Variants in ANKRD26 observed in about 807,000 individuals in gnomAD.
ANKRD26 encodes the protein ankyrin repeat domain 26, also known as ankyrin repeat domain-containing protein 26.
Under a neutral mutation model 208.7 loss-of-function variants are expected in ANKRD26, and 141 were observed. The ratio of observed to expected loss-of-function variants is 0.68; its 90% CI spans 0.59 to 0.78. The LOEUF (loss-of-function observed/expected upper bound fraction) is 0.78. Among genes scored for constraint, ANKRD26 ranks in the 30% least tolerant of loss-of-function variants. The probability of loss-of-function intolerance (pLI) is 0.00; values close to 1 mark genes in which losing one functional copy is unlikely to be tolerated. For synonymous variants in ANKRD26, 636 were observed against 660.4 expected, an observed-to-expected ratio of 0.96 and a Z score of 0.57; for missense variants, 1,889 against 1,938.7, an observed-to-expected ratio of 0.97 and a Z score of 0.48.
At chr10:26,995,436 CATG>C (rs905761010) in intron 4 of ANKRD26, among the ~76,000 whole-genome samples, 39 of 152,082 alleles carry the variant, frequency 2.6e-4, no homozygotes, top group African/African-American at 9.2e-4. Context: ...CTCTGATGGT[CATG>C]ATGTTACTGG....
At position 27,062,428 on chromosome 10, in the gene ANKRD26, TG is replaced by T. The variant is rs370832646; in HGVS notation, c.1364-1187del. ...AAGGACCAGAAGCATCAGCATTATG[TG>T]GGAACTTACTAGAAATGCAGAACCC... On this transcript the variant is annotated intron_variant, in intron 12 of 33. Transcript: ENST00000376087. Among the ~76,000 whole-genome samples the T allele has an allele frequency of 4.9e-3, 745 of 152,362 alleles. 9 individuals carry two copies. Among genetic ancestry groups the T allele is most frequent in the African/African-American group, 0.017 (708 of 41,594 alleles).
At chr10:26,980,941 T>C (rs1270239562) in intron 4 of ANKRD26, among the ~76,000 whole-genome samples, 1 of 152,122 alleles carries the variant, frequency 6.6e-6, no homozygotes, top group Non-Finnish European at 1.5e-5. Flanking sequence ...TCTAAGTTGT[T>C]TGTTGGCCTC....
At chr10:27,034,000 G>A (rs187533457) in intron 24 of ANKRD26, among the ~76,000 whole-genome samples, 1 of 152,106 alleles carries the variant, frequency 6.6e-6, no homozygotes, top group Non-Finnish European at 1.5e-5. Context: ...ATCACAAATC[G>A]CTACACTTAC....
At chr10:27,051,492 A>T in intron 16 of ANKRD26, 1 of 1,058,282 alleles carries the variant, frequency 9.4e-7, no homozygotes, top group South Asian at 2.9e-5. Context: ...TTCTTTCATT[A>T]CACCTGTAAC....
rs1217716400 is a variant in ANKRD26 at position 27,078,254 on chromosome 10, A to C, written c.814-561T>G. On this transcript the variant is annotated intron_variant, in intron 7 of 33. Transcript: ENST00000376087. ...GCTCCTTACAAGAAACAGAGAAAAA[A>C]ACAAAAATAATCCTTGTGGGGCAAT... 2.0e-5 allele frequency among the ~76,000 whole-genome samples: 3 copies of C among 152,302 alleles called. No individual in the cohort carries two copies. The South Asian group carries it at 6.2e-4, about 32-fold the overall frequency.
intron 1 of ANKRD26, among the ~76,000 whole-genome samples, chr10:27,099,571 G>GGC (rs1554799484): frequency 7.1e-6 from 1 of 139,870 alleles, no homozygotes; most frequent in Non-Finnish European, 1.6e-5. Flanking sequence ...TTGGGGGGGG[G>GGC]GGTCTCGCTA....
At chr10:27,099,622 C>T (rs1289592765) in intron 1 of ANKRD26, among the ~76,000 whole-genome samples, 1 of 151,238 alleles carries the variant, frequency 6.6e-6, no homozygotes, top group Non-Finnish European at 1.5e-5. Context: ...CTCAAGCAAT[C>T]CTCCCGCCTC....
intron 5 of ANKRD26, among the ~76,000 whole-genome samples, chr10:27,084,069 C>T (rs1472655970): frequency 4.6e-5 from 7 of 151,828 alleles, no homozygotes; most frequent in Non-Finnish European, 7.4e-5. Flanking sequence ...AAAAAGTAGC[C>T]AGGCATGGTA....
rs903414502 is a variant in ANKRD26 at position 27,100,032 on chromosome 10, T to C, written c.242+53A>G. 3 of 1,609,922 alleles carry C rather than the reference T, an allele frequency of 1.9e-6. No homozygotes were observed. In the Admixed American group the frequency reaches 5.0e-5, roughly 27 times the overall value. On this transcript the variant is annotated intron_variant, in intron 1 of 33. Coordinates refer to ENST00000376087, the MANE Select transcript of ANKRD26 (RefSeq NM_014915.3). ...GTGGCTCCCACAAAAGGGGCCCCTC[T>C]TCCTGCCCGCCTACTCCAGTGGCAC...
chr10:27,012,236 A>T (rs1212182201), intron 32 of ANKRD26, among the ~76,000 whole-genome samples: 1 of 152,178 alleles, frequency 6.6e-6, no homozygotes, highest in Non-Finnish European at 1.5e-5. Context: ...GGAAAGCCAA[A>T]GTATCTCAAC....
At chr10:27,017,857 A>G in intron 29 of ANKRD26, 65 bp from the exon 30 acceptor site, 1 of 1,454,756 alleles carries the variant, frequency 6.9e-7, no homozygotes, top group Non-Finnish European at 9.4e-7. Context: ...CTAACATAAA[A>G]CCAAGAACAA....
chr10:26,951,019 C>CTTTTTTTTTTTTTTTTTTTTTGTTTTTTT, the ANKRD26 span, among the ~76,000 whole-genome samples: 1 of 48,580 alleles, frequency 2.1e-5, no homozygotes, highest in Non-Finnish European at 5.5e-5. Flanking sequence ...TTTTCTTTTT[C>CTTTTTTTTTTTTTTTTTTTTTGTTTTTTT]TTTTTTTTTT....
intron 27 of ANKRD26, among the ~76,000 whole-genome samples, chr10:27,026,626 C>T (rs2053667187): frequency 6.6e-6 from 1 of 152,136 alleles, no homozygotes. Flanking sequence ...ACAATGCAAC[C>T]TTCTGATCTT....
chr10:27,038,068 T>C lies in ANKRD26; in HGVS notation c.2376-14A>G, dbSNP rs768200494. 2 of 1,600,810 alleles carry C rather than the reference T, an allele frequency of 1.2e-6. No homozygotes were observed. Among genetic ancestry groups the C allele is most frequent in the Non-Finnish European group, 8.5e-7 (1 of 1,173,652 alleles). On this transcript the variant is annotated splice_polypyrimidine_tract_variant and intron_variant, in intron 21 of 33. Coordinates refer to ENST00000376087, the MANE Select transcript of ANKRD26 (RefSeq NM_014915.3). ...TTTAAGCTAAATCTGCAGTTAAATA[T>C]GTTTATCTTAAAATCTGTATTGTTA...
At position 27,082,694 on chromosome 10, in the gene ANKRD26, G is replaced by A. The variant is rs10829173; in HGVS notation, c.740+109C>T. On this transcript the variant is annotated intron_variant, in intron 6 of 33. Transcript: ENST00000376087. ...AGATACTTTGCAAAGCTGTTGGGAC[G>A]ACTATATGGAGAAGCACATAATATG... 0.61 allele frequency: 867,003 copies of A among 1,429,086 alleles called. 272,386 individuals carry two copies. The highest frequency in any genetic ancestry group is 0.65 in the Non-Finnish European group (698,922 of 1,074,890). The allele number at this position is 1,429,086 out of a possible 1,614,324, so 88.5% of individuals were successfully genotyped here.
chr10:27,015,043 T>G (rs2053243719), intron 30 of ANKRD26, among the ~76,000 whole-genome samples: 1 of 152,168 alleles, frequency 6.6e-6, no homozygotes, highest in African/African-American at 2.4e-5. Context: ...AAATTATAAT[T>G]GGTAACATAA....
chr10:26,997,071 T>A (rs11527776), intron 4 of ANKRD26, among the ~76,000 whole-genome samples: 129,895 of 150,280 alleles, frequency 0.86, 56,545 homozygotes, highest in East Asian at 1. Context: ...TAAAAAAAAA[T>A]ATACGGTCAT....
intron 4 of ANKRD26, among the ~76,000 whole-genome samples, chr10:26,998,994 T>C (rs2052659649): frequency 6.6e-6 from 1 of 152,220 alleles, no homozygotes; most frequent in African/African-American, 2.4e-5. Context: ...TAAGTGATTC[T>C]GAAGATTTCT....
At chr10:27,090,478 C>T (rs577938988) in intron 4 of ANKRD26, among the ~76,000 whole-genome samples, 68 of 152,144 alleles carry the variant, frequency 4.5e-4, no homozygotes, top group Non-Finnish European at 7.6e-4. Context: ...ATTTGATATA[C>T]TTTACCAATT....
Sources: gnomAD v4.1 joint callset for allele counts (sites outside exome capture counted in the v4.1 genomes callset) on GRCh38, gnomAD v4.1.1 for gene constraint, MANE v1.5 for transcripts, NCBI Gene and HGNC (gene_info 2026-07-23, HGNC 2026-07-21) for gene names.